Variants in LILRA6 observed in about 807,000 individuals in gnomAD.
The protein encoded by LILRA6 is leukocyte immunoglobulin-like receptor subfamily A member 6.
In LILRA6, 16 loss-of-function variants were observed where a neutral mutation model predicts 53.9. The ratio of observed to expected loss-of-function variants is 0.30; its 90% CI spans 0.20 to 0.45. The LOEUF is 0.45. Among genes scored for constraint, LILRA6 ranks in the 20% least tolerant of loss-of-function variants. The pLI, the probability that LILRA6 is intolerant of heterozygous loss-of-function variation, is 1.00. For synonymous variants in LILRA6, 135 were observed against 256.4 expected (o/e 0.53, Z 4.52); for missense variants, 306 against 618.6 (o/e 0.49, Z 5.36).
chr19:54,237,829 G>A (rs2078656849), downstream of LILRA6: 1 of 150,638 alleles, frequency 6.6e-6, no homozygotes, highest in Admixed American at 6.6e-5. Context: ...GCCTCTGCAC[G>A]GCCTCGTAGT....
In LILRA6 at chr19:54,241,406, T is replaced by C. The variant is rs1430815513; in HGVS notation, c.658+170A>G. ...TCCTCCCCGTTCAGGTGAGCGTGGC[T>C]GAGGGCTCCTCCTCCCATGTCAGAG... is the stretch of plus-strand genomic sequence containing the variant. On this transcript the variant is annotated intron_variant, in intron 4 of 7. Coordinates refer to ENST00000396365, the Ensembl canonical transcript of LILRA6. 192 of 914,098 alleles carry C rather than the reference T, an allele frequency of 2.1e-4. 25 individuals carry two copies. Among genetic ancestry groups the C allele is most frequent in the Admixed American group, 7.8e-4 (25 of 32,006 alleles). 56.6% of individuals were successfully genotyped at this position (914,098 alleles called of 1,614,324 possible).
chr19:54,240,237 C>A (rs2078715951), intron 6 of LILRA6, 37 bp downstream of exon 6: 1 of 1,598,600 alleles, frequency 6.3e-7, no homozygotes, highest in Non-Finnish European at 8.5e-7. Flanking sequence ...CTGAGCTGAG[C>A]CTTTGAGCTC....
downstream of LILRA6, chr19:54,236,653 A>T (rs2078645467): frequency 6.6e-6 from 1 of 151,086 alleles, no homozygotes; most frequent in African/African-American, 2.5e-5. Context: ...GAATCAACCT[A>T]TGTCCATCAA....
At chr19:54,237,179 A>T (rs1459692513), downstream of LILRA6, 1 of 150,816 alleles carries the variant, frequency 6.6e-6, no homozygotes, top group East Asian at 1.9e-4. Flanking sequence ...CCAGAGCAAC[A>T]TGGTGAAACC....
chr19:54,238,825 C>T, exon 8 of LILRA6: 1 of 1,473,146 alleles, frequency 6.8e-7, no homozygotes, highest in South Asian at 1.4e-5. Context: ...TGATTACCTT[C>T]CACAGTGTGT....
At chr19:54,239,185 T>C (rs1443918068) in intron 7 of LILRA6, 96 bp from the exon 8 acceptor site, 15 of 1,585,754 alleles carry the variant, frequency 9.5e-6, no homozygotes, top group African/African-American at 4.2e-5. Flanking sequence ...CCATCCGCCA[T>C]TGACAGAACC....
intron 5 of LILRA6, 102 bp downstream of exon 5, chr19:54,240,729 C>G: frequency 6.3e-7 from 1 of 1,587,750 alleles, no homozygotes; most frequent in Non-Finnish European, 8.6e-7. Context: ...TCTCTCCCTC[C>G]CTTGGGACCC....
At position 54,238,896 on chromosome 19, in the gene LILRA6, A is replaced by G; in HGVS notation, c.*57T>C. 1.9e-6 allele frequency: 3 copies of G among 1,593,620 alleles called. 1 individual carries two copies. Among genetic ancestry groups the G allele is most frequent in the South Asian group, 2.3e-5 (2 of 87,790 alleles). ...TTGTCCTCCAGAGCCTTCTGGGATC[A>G]TCAGATCTGTCCCTGAGGCTCCACC... is the stretch of plus-strand genomic sequence containing the variant. On this transcript the variant is annotated 3_prime_UTR_variant, in exon 8 of 8. Transcript: ENST00000396365.
At chr19:54,240,913 C>A (rs761456455) in exon 5 of LILRA6, 3 of 1,613,984 alleles carry the variant, frequency 1.9e-6, no homozygotes, top group Non-Finnish European at 1.7e-6. Flanking sequence ...TGTACTGGCC[C>A]CCGTGGGAGG....
chr19:54,240,536 G>C, exon 6 of LILRA6: 5 of 1,609,700 alleles, frequency 3.1e-6, no homozygotes, highest in Middle Eastern at 3.3e-4. Flanking sequence ...CCACTGTGGG[G>C]CCCGGCTGTG....
intron 7 of LILRA6, 83 bp from the exon 8 acceptor site, chr19:54,239,172 C>A: frequency 6.3e-7 from 1 of 1,592,420 alleles, no homozygotes; most frequent in Non-Finnish European, 8.5e-7. Context: ...CCCAGGGCAC[C>A]CCCCATCCGC....
exon 8 of LILRA6, chr19:54,238,653 C>G (rs2078667628): frequency 2.6e-6 from 1 of 380,580 alleles, no homozygotes; most frequent in South Asian, 4.0e-5. Flanking sequence ...ATGAATTCCT[C>G]AAGAGTTAGT....
chr19:54,239,986 G>A (rs1231927783), intron 6 of LILRA6, 35 bp from the exon 7 acceptor site: 1 of 1,535,932 alleles, frequency 6.5e-7, no homozygotes, highest in Non-Finnish European at 8.8e-7. Flanking sequence ...GAGGGGCGGG[G>A]GCCGTCCATG....
downstream of LILRA6, chr19:54,238,370 T>C (rs2078664266): frequency 6.6e-6 from 1 of 151,200 alleles, no homozygotes; most frequent in Non-Finnish European, 1.5e-5. Flanking sequence ...CTTCTGATAT[T>C]TTCCCCAAAT....
rs1301325138 is a variant in LILRA6, at chr19:54,239,794, G to A, written c.1309+107C>T. Reference sequence around the variant, plus strand: ...CACTCTTCACCAGCCCAGCCTCAGAGCCCCTGGGACACAAGCCCGTCCTTG... The same window carrying A: ...CACTCTTCACCAGCCCAGCCTCAGAACCCCTGGGACACAAGCCCGTCCTTG... On this transcript the variant is annotated intron_variant, in intron 7 of 7. Transcript: ENST00000396365. 4 of 1,550,662 alleles carry A rather than the reference G, an allele frequency of 2.6e-6. No homozygotes were observed. In the Admixed American group the frequency reaches 5.9e-5, roughly 23 times the overall value.
intron 7 of LILRA6, 167 bp downstream of exon 7, chr19:54,239,734 C>G (rs1290483038): frequency 8.4e-6 from 13 of 1,550,122 alleles, no homozygotes; most frequent in Non-Finnish European, 1.1e-5. Context: ...CTCCTCCTGG[C>G]TGGGCCCCAA....
At chr19:54,241,976 C>G (rs772727957) in intron 3 of LILRA6, 50 bp downstream of exon 3, 2 of 1,306,552 alleles carry the variant, frequency 1.5e-6, no homozygotes, top group Non-Finnish European at 2.1e-6. Context: ...AGAGCCGACC[C>G]CCTTCCTGAG....
At chr19:54,239,319 GTTC>G in intron 7 of LILRA6, 1 of 1,343,206 alleles carries the variant, frequency 7.4e-7, no homozygotes, top group Non-Finnish European at 1.0e-6. Flanking sequence ...TGGGCTCTGC[GTTC>G]TTATTCTTCC....
rs368961422 is a variant in LILRA6, at chr19:54,240,882, G to C, written c.904C>G (p.Leu302Val). 1.9e-4 allele frequency: 299 copies of C among 1,613,870 alleles called. No homozygotes were observed. The South Asian group carries it at 2.0e-3, about 11-fold the overall frequency. The change falls in exon 5 of 8, where the codon CTC (leucine) becomes GTC (valine). Residue 302 changes from leucine (L) to valine (V), a missense_variant. Leu to Val is a conservative substitution (Grantham distance 32). Transcript: ENST00000396365. Reference sequence around the variant, plus strand: ...CTGGGGGCCGACCACTCGGAGGAGAGGTTGTGTGCACCATAGCACCTGTAC... The same window carrying C: ...CTGGGGGCCGACCACTCGGAGGAGACGTTGTGTGCACCATAGCACCTGTAC...
Sources: allele counts gnomAD v4.1 joint callset, GRCh38; gene constraint gnomAD v4.1.1; transcripts MANE v1.5; gene names NCBI Gene and HGNC (gene_info 2026-07-23, HGNC 2026-07-21).